Variants in ACTR3C observed in about 807,000 individuals in gnomAD.
ACTR3C encodes the protein actin related protein 3C.
A neutral mutation model predicts 26.3 loss-of-function variants in ACTR3C; 18 were observed. The observed-to-expected ratio is 0.68, with a 90% CI of 0.47 to 1.01. The LOEUF (loss-of-function observed/expected upper bound fraction) is 1.01. ACTR3C is among the 50% of genes least tolerant of loss of function. The probability of loss-of-function intolerance (pLI) is 0.00; values close to 1 mark genes in which losing one functional copy is unlikely to be tolerated. For synonymous variants in ACTR3C, 55 were observed against 94.5 expected (o/e 0.58, Z 2.42); for missense variants, 184 against 250.7 (o/e 0.73, Z 1.80).
At chr7:150,108,015 T>C in the ACTR3C span, among the ~76,000 whole-genome samples, 2 of 151,646 alleles carry the variant, frequency 1.3e-5, no homozygotes, top group African/African-American at 4.9e-5. Context: ...AATTCTGTGA[T>C]TAAACTGACA....
the ACTR3C span, among the ~76,000 whole-genome samples, chr7:150,207,389 G>A: frequency 1.3e-5 from 2 of 152,138 alleles, no homozygotes; most frequent in East Asian, 1.9e-4. Context: ...ATTTTTAAAG[G>A]AATAATAGCA....
the ACTR3C span, among the ~76,000 whole-genome samples, chr7:150,031,274 G>T: frequency 8.9e-5 from 5 of 56,166 alleles, no homozygotes; most frequent in Admixed American, 1.0e-3. Context: ...AAAAAAAAAA[G>T]TAAAAAAAAA....
At chr7:150,317,069 CTTCA>C (rs1797006354) in intron 1 of ACTR3C, among the ~76,000 whole-genome samples, 1 of 131,308 alleles carries the variant, frequency 7.6e-6, no homozygotes, top group South Asian at 2.4e-4. Context: ...TCCTTCTTTC[CTTCA>C]TTTATTTATT....
At chr7:149,937,670 C>T in the ACTR3C span, among the ~76,000 whole-genome samples, 1 of 152,010 alleles carries the variant, frequency 6.6e-6, no homozygotes. Flanking sequence ...AAGTACCTGG[C>T]GAGGATGAAC....
chr7:149,980,415 G>A, the ACTR3C span, among the ~76,000 whole-genome samples: 1 of 152,234 alleles, frequency 6.6e-6, no homozygotes, highest in African/African-American at 2.4e-5. Flanking sequence ...AAGCCATTGT[G>A]CAGTAATCAA....
chr7:150,004,893 G>A, the ACTR3C span: 1 of 152,264 alleles, frequency 6.6e-6, no homozygotes, highest in Non-Finnish European at 1.5e-5. Context: ...TAAGGAGACA[G>A]AGCAACTACA....
the ACTR3C span, among the ~76,000 whole-genome samples, chr7:150,198,636 T>C: frequency 2.2e-5 from 3 of 133,436 alleles, no homozygotes; most frequent in African/African-American, 6.0e-5. Context: ...AGTGAGGAGA[T>C]CCTCCGCCCG....
At chr7:150,054,924 C>T in the ACTR3C span, among the ~76,000 whole-genome samples, 1 of 152,224 alleles carries the variant, frequency 6.6e-6, no homozygotes, top group Non-Finnish European at 1.5e-5. Context: ...ACTGATACTA[C>T]ACATTATCCG....
At chr7:149,927,469 C>T in the ACTR3C span, among the ~76,000 whole-genome samples, 2 of 150,642 alleles carry the variant, frequency 1.3e-5, no homozygotes, top group African/African-American at 4.9e-5. Context: ...TGGCTCATGG[C>T]TGTAATCTCA....
the ACTR3C span, among the ~76,000 whole-genome samples, chr7:149,978,624 A>G: frequency 6.6e-6 from 1 of 152,154 alleles, no homozygotes; most frequent in South Asian, 2.1e-4. Flanking sequence ...CAGTTGCTTG[A>G]CTACATGACA....
the ACTR3C span, chr7:149,892,331 A>G: frequency 6.2e-7 from 1 of 1,605,676 alleles, no homozygotes; most frequent in African/African-American, 1.3e-5. Flanking sequence ...AGTCAAGGTC[A>G]TCAACTCCCC....
chr7:150,086,087 G>A, the ACTR3C span, among the ~76,000 whole-genome samples: 1 of 151,774 alleles, frequency 6.6e-6, no homozygotes, highest in Admixed American at 6.6e-5. Flanking sequence ...AGCAATAAGC[G>A]ATTCTCGTGC....
At chr7:150,222,017 AAG>A in the ACTR3C span, among the ~76,000 whole-genome samples, 77 of 150,030 alleles carry the variant, frequency 5.1e-4, 1 homozygote, top group African/African-American at 1.7e-3. Flanking sequence ...AAAAAAAAAA[AAG>A]TACATCCCCT....
the ACTR3C span, among the ~76,000 whole-genome samples, chr7:150,107,471 A>G: frequency 1.2e-4 from 18 of 152,086 alleles, 1 homozygote; most frequent in Admixed American, 9.8e-4. Context: ...AACCCCTGCT[A>G]GGTTACAGGC....
At chr7:150,127,104 G>C in the ACTR3C span, among the ~76,000 whole-genome samples, 9,898 of 149,934 alleles carry the variant, frequency 0.066, 327 homozygotes, top group African/African-American at 0.13. Context: ...TCTCTCTGGA[G>C]CAATAAGAGA....
the ACTR3C span, among the ~76,000 whole-genome samples, chr7:150,033,662 T>TCCCCA: frequency 2.0e-5 from 3 of 151,342 alleles, no homozygotes; most frequent in African/African-American, 7.3e-5. Context: ...TGGCTCTCAG[T>TCCCCA]CCCTGCCTCG....
the ACTR3C span, among the ~76,000 whole-genome samples, chr7:149,988,459 G>A: frequency 7.9e-5 from 12 of 152,220 alleles, no homozygotes; most frequent in African/African-American, 2.2e-4. Context: ...GATCCCTGGA[G>A]TGATACTTTA....
chr7:149,979,411 CT>C, the ACTR3C span, among the ~76,000 whole-genome samples: 1 of 152,160 alleles, frequency 6.6e-6, no homozygotes. Context: ...CGTGTATTCC[CT>C]TCCCCCTAAA....
the ACTR3C span, among the ~76,000 whole-genome samples, chr7:150,042,188 T>TCC: frequency 6.4e-4 from 8 of 12,538 alleles, 1 homozygote; most frequent in African/African-American, 4.5e-3. Context: ...GGGGGGTGCC[T>TCC]CCCCCCCCCT....
Sources: allele counts gnomAD v4.1 joint callset (sites outside exome capture counted in the v4.1 genomes callset), GRCh38; gene constraint gnomAD v4.1.1; transcripts MANE v1.5; gene names NCBI Gene and HGNC (gene_info 2026-07-23, HGNC 2026-07-21).